CATSPERE: variants seen among roughly 807,000 people sequenced by gnomAD.
CATSPERE encodes cation channel sperm-associated auxiliary subunit epsilon.
CATSPERE carries 93 observed loss-of-function variants against 114.1 expected under a neutral mutation model. The ratio of observed to expected loss-of-function variants is 0.81; its 90% CI spans 0.69 to 0.97. The LOEUF is 0.97. Ranked by LOEUF, CATSPERE falls within the 50% of genes least tolerant of loss-of-function variation. The probability of loss-of-function intolerance (pLI) is 0.00; values close to 1 mark genes in which losing one functional copy is unlikely to be tolerated. For synonymous variants in CATSPERE, 341 were observed against 384.1 expected, an observed-to-expected ratio of 0.89 and a Z score of 1.31; for missense variants, 1,058 against 1,131.6, an observed-to-expected ratio of 0.93 and a Z score of 0.93.
chr1:244,639,978 T>TC lies in CATSPERE; in HGVS notation c.2754dup (p.Phe919LeufsTer16). On this transcript the variant is annotated frameshift_variant, in exon 22 of 22. Transcript: ENST00000366534. LOFTEE classifies it low-confidence loss of function (END_TRUNC). ...TTCCTCTTCGTCCTGATGCTGCTCT[T>TC]CTTCACTATTCTTGTTTTGAGCTAC... is the stretch of plus-strand genomic sequence containing the variant. The TC allele has an allele frequency of 6.4e-7, 1 of 1,551,404 alleles. No individual in the cohort carries two copies. Among genetic ancestry groups the TC allele is most frequent in the African/African-American group, 1.4e-5 (1 of 73,172 alleles).
chr1:244,504,512 G>C lies in CATSPERE; in HGVS notation c.429+5433G>C, dbSNP rs910688570. 3.3e-5 allele frequency among the ~76,000 whole-genome samples: 5 copies of C among 152,112 alleles called. No individual in the cohort carries two copies. Among genetic ancestry groups the C allele is most frequent in the African/African-American group, 1.2e-4 (5 of 41,398 alleles). On this transcript the variant is annotated intron_variant, in intron 7 of 21. Transcript: ENST00000366534. The surrounding 1 kb of genome is among the most constrained non-coding windows in gnomAD (Gnocchi z 4.1). The stretch of plus-strand genomic sequence containing the variant: ...CAGCTAATGTTCATTTTGTATTCCA[G>C]AATCCCACCAGGAATAGCAAATTAT...
At chr1:244,483,821 T>G (rs1005423096) in intron 5 of CATSPERE, among the ~76,000 whole-genome samples, 9 of 152,140 alleles carry the variant, frequency 5.9e-5, no homozygotes, top group Non-Finnish European at 1.3e-4. Context: ...TGGATAAATT[T>G]ATTAATCCTT....
chr1:244,451,871 C>G (rs1399820374), upstream of CATSPERE: 2 of 1,472,644 alleles, frequency 1.4e-6, no homozygotes, highest in Non-Finnish European at 1.8e-6. The surrounding 1 kb of genome is among the most constrained non-coding windows in gnomAD (Gnocchi z 6.6). Context: ...GAGGAGTGAG[C>G]GAACTGAACT....
At chr1:244,472,741 T>C (rs144686099) in intron 2 of CATSPERE, among the ~76,000 whole-genome samples, 153 of 152,346 alleles carry the variant, frequency 1.0e-3, no homozygotes, top group African/African-American at 3.5e-3. Context: ...TCACACCGAA[T>C]AGTTTCACTG....
At chr1:244,469,318 A>G (rs907934746) in intron 2 of CATSPERE, among the ~76,000 whole-genome samples, 1 of 152,236 alleles carries the variant, frequency 6.6e-6, no homozygotes, top group African/African-American at 2.4e-5. Flanking sequence ...ACATAAAAGT[A>G]TGGAGTACAT....
intron 6 of CATSPERE, among the ~76,000 whole-genome samples, chr1:244,494,369 G>A (rs1368327071): frequency 3.4e-5 from 5 of 145,938 alleles, no homozygotes; most frequent in African/African-American, 7.7e-5. Context: ...ACCAAACACC[G>A]CATATTCTCA....
chr1:244,546,527 A>G (rs1271905477), intron 8 of CATSPERE, among the ~76,000 whole-genome samples: 1 of 152,234 alleles, frequency 6.6e-6, no homozygotes, highest in Non-Finnish European at 1.5e-5. Context: ...CTGTCTGACA[A>G]ATAATTCAAC....
At position 244,579,846 on chromosome 1, in the gene CATSPERE, G is replaced by T. The variant is rs575662744; in HGVS notation, c.1951-1950G>T. On this transcript the variant is annotated intron_variant, in intron 11 of 21. Transcript: ENST00000366534. The stretch of plus-strand genomic sequence containing the variant: ...GTAATGAAAGTAACTACCTCATAAG[G>T]TTCTTTTATTCTAATTTTTTTTCTT... Among the ~76,000 whole-genome samples the T allele has an allele frequency of 4.0e-4, 61 of 152,146 alleles. 1 individual carries two copies. Among genetic ancestry groups the T allele is most frequent in the African/African-American group, 1.3e-3 (55 of 41,506 alleles).
intron 1 of CATSPERE, among the ~76,000 whole-genome samples, chr1:244,456,026 C>T (rs905841280): frequency 1.3e-5 from 2 of 152,062 alleles, no homozygotes; most frequent in Non-Finnish European, 2.9e-5. Context: ...CTTGGCTCTT[C>T]GCACACTTGG....
At chr1:244,461,957 G>A (rs960270527) in intron 1 of CATSPERE, among the ~76,000 whole-genome samples, 1 of 152,010 alleles carries the variant, frequency 6.6e-6, no homozygotes, top group Non-Finnish European at 1.5e-5. Flanking sequence ...GTGACAACAG[G>A]CACGCGCCAC....
intron 10 of CATSPERE, among the ~76,000 whole-genome samples, chr1:244,561,511 A>T (rs1248736268): frequency 6.6e-6 from 1 of 152,116 alleles, no homozygotes; most frequent in African/African-American, 2.4e-5. Context: ...AACAACATAA[A>T]TGTATGACTT....
chr1:244,562,166 A>G (rs1662670122), intron 10 of CATSPERE, among the ~76,000 whole-genome samples: 1 of 151,638 alleles, frequency 6.6e-6, no homozygotes, highest in Non-Finnish European at 1.5e-5. Flanking sequence ...AAAAAAAAAA[A>G]AAAAAAAAGC....
chr1:244,620,592 A>C (rs1453587048), intron 20 of CATSPERE, among the ~76,000 whole-genome samples: 1 of 152,210 alleles, frequency 6.6e-6, no homozygotes, highest in African/African-American at 2.4e-5. Context: ...TATAGGCTAC[A>C]ATTCAGGCTA....
At chr1:244,537,964 G>C (rs1456784558) in intron 8 of CATSPERE, among the ~76,000 whole-genome samples, 1 of 152,172 alleles carries the variant, frequency 6.6e-6, no homozygotes, top group Non-Finnish European at 1.5e-5. Context: ...AGAGATAATA[G>C]TGGATTTTTC....
chr1:244,519,964 AGTTGG>A (rs943236871), intron 8 of CATSPERE, among the ~76,000 whole-genome samples: 7 of 152,160 alleles, frequency 4.6e-5, no homozygotes, highest in Non-Finnish European at 1.0e-4. Context: ...ATTCACCAAG[AGTTGG>A]GTCAATAATT....
At chr1:244,548,944 T>G (rs2148486644) in intron 8 of CATSPERE, among the ~76,000 whole-genome samples, 2 of 152,294 alleles carry the variant, frequency 1.3e-5, no homozygotes, top group South Asian at 4.1e-4. Context: ...CAGGACTTCA[T>G]GCTCTGCTGG....
chr1:244,493,389 T>C (rs1178636963), intron 6 of CATSPERE, among the ~76,000 whole-genome samples: 4 of 152,040 alleles, frequency 2.6e-5, no homozygotes, highest in African/African-American at 7.2e-5. Flanking sequence ...GGAAAACTGG[T>C]TGGCCATATG....
intron 11 of CATSPERE, among the ~76,000 whole-genome samples, chr1:244,580,240 A>G (rs1363413833): frequency 7.0e-6 from 1 of 143,518 alleles, no homozygotes; most frequent in Non-Finnish European, 1.5e-5. Flanking sequence ...TTTAGTAGAG[A>G]CAGGGTTTCA....
Position 244,490,915 on chromosome 1 carries a change from T to G in CATSPERE, c.351+444T>G, listed in dbSNP as rs538396054. 6.6e-5 allele frequency among the ~76,000 whole-genome samples: 10 copies of G among 152,288 alleles called. No individual in the cohort carries two copies. In the South Asian group the frequency reaches 2.1e-3, roughly 32 times the overall value. Reference sequence around the variant, plus strand: ...AAAATTATCTTTAAATGTTCTCAATTTTAATTTGTTATATAGTAAATACAG... The same window carrying G: ...AAAATTATCTTTAAATGTTCTCAATGTTAATTTGTTATATAGTAAATACAG... On this transcript the variant is annotated intron_variant, in intron 6 of 21. Coordinates refer to ENST00000366534, the MANE Select transcript of CATSPERE (RefSeq NM_001130957.2).
Sources: allele counts gnomAD v4.1 joint callset (sites outside exome capture counted in the v4.1 genomes callset), GRCh38; gene constraint gnomAD v4.1.1; non-coding constraint Gnocchi (gnomAD v3.1); transcripts MANE v1.5; gene names NCBI Gene and HGNC (gene_info 2026-07-23, HGNC 2026-07-21).